The following GOSR2 variants were observed in gnomAD, a reference collection of about 807,000 sequenced individuals.
GOSR2 encodes the protein 27 kDa Golgi SNARE protein.
A neutral mutation model predicts 27.9 loss-of-function variants in GOSR2; 20 were observed. That is an observed-to-expected ratio of 0.72 (90% CI 0.50 to 1.04). The LOEUF (loss-of-function observed/expected upper bound fraction) is 1.04, where lower values mean the gene tolerates loss of function less well. Among genes scored for constraint, GOSR2 ranks in the 50% least tolerant of loss-of-function variants. The pLI, the probability that GOSR2 is intolerant of heterozygous loss-of-function variation, is 0.00. For missense variants in GOSR2, 261 were observed against 270.5 expected, an observed-to-expected ratio of 0.97 and a Z score of 0.25; for synonymous variants, 91 against 98.8, an observed-to-expected ratio of 0.92 and a Z score of 0.47.
At chr17:46,923,536 A>T in intron 1 of GOSR2, 1 of 1,334,562 alleles carries the variant, frequency 7.5e-7, no homozygotes, top group East Asian at 2.8e-5. Context: ...AGCACTTGTC[A>T]ACTCGGTGCT....
chr17:46,943,596 G>T (rs146130832), downstream of GOSR2, among the ~76,000 whole-genome samples: 426 of 152,352 alleles, frequency 2.8e-3, no homozygotes, highest in Non-Finnish European at 4.5e-3. Flanking sequence ...AGGGGCCTTT[G>T]TGCATCCCGG....
downstream of GOSR2, among the ~76,000 whole-genome samples, chr17:46,967,919 G>A (rs915770097): frequency 2.0e-5 from 3 of 152,162 alleles, no homozygotes; most frequent in Non-Finnish European, 2.9e-5. Context: ...AAGAGGGAGA[G>A]CCACTGTGAA....
chr17:46,935,055 C>T lies in GOSR2; in HGVS notation c.363C>T (p.Asp121=), dbSNP rs886053078. Residue 121 remains aspartate (D), a synonymous_variant, in exon 5 of 6, where the codon GAC becomes GAT. Transcript: ENST00000640051. ...ACTCTGACACCACCATACCAATGGACGAATCACTGCAGTTTAACTCCTCCC... is the reference window on the plus strand; with the variant it reads ...ACTCTGACACCACCATACCAATGGATGAATCACTGCAGTTTAACTCCTCCC... The part of the protein sequence containing the change: ...TNDSDTTIPM[D]ESLQFNSSLQ... The T allele has an allele frequency of 2.5e-6, 4 of 1,611,686 alleles. No homozygotes were observed. The highest frequency in any genetic ancestry group is 3.4e-6 in the Non-Finnish European group (4 of 1,177,742).
chr17:46,975,861 A>G (rs1204889579), downstream of GOSR2, among the ~76,000 whole-genome samples: 1 of 147,856 alleles, frequency 6.8e-6, no homozygotes, highest in Non-Finnish European at 1.5e-5. Context: ...TGCTTTGACA[A>G]GGAACTATGA....
At chr17:46,923,335 AGGGCACTGCTGGGGAT>A in intron 1 of GOSR2, 114 bp downstream of exon 1, 1 of 1,533,210 alleles carries the variant, frequency 6.5e-7, no homozygotes, top group Non-Finnish European at 8.8e-7. Flanking sequence ...TTTTTCCGCC[AGGGCACTGCTGGGGAT>A]GCCTCCGAAG....
intron 2 of GOSR2, chr17:46,930,565 A>G (rs936716809): frequency 1.3e-5 from 2 of 154,320 alleles, no homozygotes; most frequent in African/African-American, 2.4e-5. Context: ...CAGCCCACCC[A>G]TTCTTACAGA....
intron 5 of GOSR2, chr17:46,936,527 C>T: frequency 2.0e-6 from 2 of 985,510 alleles, no homozygotes; most frequent in Non-Finnish European, 2.4e-6. Flanking sequence ...TGCCTCACAC[C>T]CTGCCTCCGT....
chr17:46,961,819 T>G (rs1166958764), intron 6 of GOSR2, among the ~76,000 whole-genome samples: 2 of 152,182 alleles, frequency 1.3e-5, no homozygotes, highest in African/African-American at 4.8e-5. Flanking sequence ...ACCCTTTATC[T>G]AATGCCTACT....
downstream of GOSR2, among the ~76,000 whole-genome samples, chr17:46,969,509 G>A (rs534779105): frequency 6.6e-6 from 1 of 152,334 alleles, no homozygotes; most frequent in African/African-American, 2.4e-5. Context: ...GGCCAGAGTT[G>A]CTTTCTTATG....
intron 6 of GOSR2, among the ~76,000 whole-genome samples, chr17:46,962,666 G>T (rs2316330): frequency 0.45 from 67,871 of 151,922 alleles, 15,371 homozygotes; most frequent in South Asian, 0.52. Flanking sequence ...TCTCAGCAGA[G>T]CCCAGCCTTC....
rs1022272650 is a variant in GOSR2 at position 46,939,308 on chromosome 17, T to C, written c.*548T>C. On this transcript the variant is annotated 3_prime_UTR_variant, in exon 6 of 6. Coordinates refer to ENST00000640051, the MANE Select transcript of GOSR2 (RefSeq NM_004287.5). ...GTAGATGACTGACTGCCAATACTTGTCACCATTCCCTGGAAGCAGCTACCT... is the reference window on the plus strand; with the variant it reads ...GTAGATGACTGACTGCCAATACTTGCCACCATTCCCTGGAAGCAGCTACCT... The C allele has an allele frequency of 3.0e-6, 3 of 1,013,182 alleles. No homozygotes were observed. Among genetic ancestry groups the C allele is most frequent in the East Asian group, 1.7e-4 (2 of 11,654 alleles). The allele number at this position is 1,013,182 out of a possible 1,614,324, so 62.8% of individuals were successfully genotyped here.
intron 5 of GOSR2, chr17:46,936,509 CCT>C: frequency 1.0e-6 from 1 of 985,532 alleles, no homozygotes; most frequent in African/African-American, 1.7e-5. Context: ...CTCTTGATTC[CCT>C]CCACCTGCCT....
intron 3 of GOSR2, chr17:46,931,519 T>G: frequency 2.3e-6 from 1 of 429,744 alleles, no homozygotes; most frequent in Non-Finnish European, 4.2e-6. Flanking sequence ...CCATGGAGTT[T>G]TGTTCTGCTC....
Position 46,962,168 on chromosome 17 carries a change from A to T in GOSR2, c.584-4366A>T, listed in dbSNP as rs534342388. Among the ~76,000 whole-genome samples, 4 of 152,202 alleles carry T rather than the reference A, an allele frequency of 2.6e-5. No individual in the cohort carries two copies. The East Asian group carries it at 7.7e-4, about 29-fold the overall frequency. ...TGGTGAAACCCTGTCTCTACTAAAA[A>T]TACATAAAAAATTAGCCGGGCGTGA... On this transcript the variant is annotated intron_variant, in intron 6 of 6. Transcript: ENST00000573224.
rs1290837359 is a variant in GOSR2 at position 46,935,940 on chromosome 17, G to C, written c.477+771G>C. On this transcript the variant is annotated intron_variant, in intron 5 of 5. Coordinates refer to ENST00000640051, the MANE Select transcript of GOSR2 (RefSeq NM_004287.5). ...TGAATGAAGCACTCCCAGCCACTGA[G>C]CTGTGAGAAACAGTCACTCGGAAGT... 3 of 985,770 alleles carry C rather than the reference G, an allele frequency of 3.0e-6. No individual in the cohort carries two copies. In the African/African-American group the frequency reaches 5.2e-5, roughly 17 times the overall value. The allele number at this position is 985,770 out of a possible 1,614,324, so 61.1% of individuals were successfully genotyped here.
At position 46,934,888 on chromosome 17, in the gene GOSR2, T is replaced by G. The variant is rs1029552162; in HGVS notation, c.337-141T>G. The G allele has an allele frequency of 8.3e-5, 62 of 748,844 alleles. No individual in the cohort carries two copies. In the African/African-American group the frequency reaches 9.0e-4, roughly 11 times the overall value. 46.4% of individuals were successfully genotyped at this position (748,844 alleles called of 1,614,324 possible). A position where few individuals can be genotyped will look rare whatever the true frequency, so the allele number is the denominator to read the frequency against. ...CCACCCCAGGCCTTTGCTTTGCTTT[T>G]TCTTATCCATTAGGGTCCGCTGATT... is the stretch of plus-strand genomic sequence containing the variant. On this transcript the variant is annotated intron_variant, in intron 4 of 5. Transcript: ENST00000640051.
downstream of GOSR2, among the ~76,000 whole-genome samples, chr17:46,971,489 C>T (rs2091392542): frequency 6.6e-6 from 1 of 152,174 alleles, no homozygotes. Flanking sequence ...AGTGCCCCAC[C>T]CTAGCCTGGC....
downstream of GOSR2, among the ~76,000 whole-genome samples, chr17:46,946,479 A>G (rs767014148): frequency 0.013 from 1,866 of 142,438 alleles, 21 homozygotes; most frequent in Middle Eastern, 0.026. Context: ...AAAAAAAAAA[A>G]GTAGGTGGCC....
intron 3 of GOSR2, chr17:46,931,657 T>TCCACCC (rs71365016): frequency 0.62 from 172,749 of 279,086 alleles, 54,692 homozygotes; most frequent in Middle Eastern, 0.68. Context: ...CCTTGCCACC[T>TCCACCC]CCACCCCCAG....
Sources: gnomAD v4.1 joint callset for allele counts (sites outside exome capture counted in the v4.1 genomes callset) on GRCh38, gnomAD v4.1.1 for gene constraint, MANE v1.5 for transcripts, NCBI Gene and HGNC (gene_info 2026-07-23, HGNC 2026-07-21) for gene names.